Variants in DNM1 observed in about 807,000 individuals in gnomAD.
The protein encoded by DNM1 is dynamin-1.
DNM1 carries 29 observed loss-of-function variants against 104.6 expected under a neutral mutation model. That is an observed-to-expected ratio of 0.28 (90% CI 0.21 to 0.38). DNM1 has a LOEUF of 0.38. Among genes scored for constraint, DNM1 ranks in the 10% least tolerant of loss-of-function variants. The probability of loss-of-function intolerance (pLI) is 1.00; values close to 1 mark genes in which losing one functional copy is unlikely to be tolerated. For missense variants in DNM1, 640 were observed against 1,189.4 expected (o/e 0.54, Z 6.79); for synonymous variants, 445 against 475.8 (o/e 0.94, Z 0.84).
Position 128,214,259 on chromosome 9 carries a change from G to A in DNM1, c.162-3972G>A, listed in dbSNP as rs145833318. Among the ~76,000 whole-genome samples the A allele has an allele frequency of 1.5e-3, 223 of 152,302 alleles. 2 individuals carry two copies. Among genetic ancestry groups the A allele is most frequent in the African/African-American group, 5.0e-3 (209 of 41,554 alleles). ...CGTTATTTATAATCATAGTAGCCAC[G>A]ATTGGTTCAGCCATCAGTCTGTATA... On this transcript the variant is annotated intron_variant, in intron 1 of 21. Coordinates refer to ENST00000372923, the MANE Select transcript of DNM1 (RefSeq NM_004408.4).
At chr9:128,231,125 GA>G (rs1327834764) in intron 10 of DNM1, among the ~76,000 whole-genome samples, 1 of 140,806 alleles carries the variant, frequency 7.1e-6, no homozygotes, top group African/African-American at 2.6e-5. Context: ...TTTATGAGCA[GA>G]AAAAACTGAT....
At chr9:128,234,176 T>C in intron 11 of DNM1, 69 bp downstream of exon 11, 1 of 1,318,316 alleles carries the variant, frequency 7.6e-7, no homozygotes, top group Admixed American at 2.5e-5. Context: ...CTTCCACTCC[T>C]GGCCCTGGGG....
chr9:128,246,903 G>C (rs987978648), intron 16 of DNM1: 2 of 263,476 alleles, frequency 7.6e-6, no homozygotes, highest in African/African-American at 4.3e-5. Context: ...CCCTAGTCAG[G>C]CCTGGTCCTC....
At position 128,254,379 on chromosome 9, in the gene DNM1, GC is replaced by G; in HGVS notation, c.2535-273del. On this transcript the variant is annotated intron_variant, in intron 21 of 21. Transcript: ENST00000372923. The surrounding 1 kb of genome is among the most constrained non-coding windows in gnomAD (Gnocchi z 6.1). ...TGAATTGCGGGTGCCCTGCCTGGGT[GC>G]CGTGTGAGAGGCCAGCGTGTGTGGG... 1 of 1,409,458 alleles carries G rather than the reference GC, an allele frequency of 7.1e-7. No individual in the cohort carries two copies. Among genetic ancestry groups the G allele is most frequent in the Non-Finnish European group, 9.2e-7 (1 of 1,090,208 alleles). 87.3% of individuals were successfully genotyped at this position (1,409,458 alleles called of 1,614,324 possible).
intron 21 of DNM1, chr9:128,251,194 C>G (rs1829496389): frequency 1.5e-6 from 1 of 667,140 alleles, no homozygotes; most frequent in South Asian, 1.5e-5. Context: ...CTGCCCCCTT[C>G]TTTCCAGCAC....
intron 10 of DNM1, among the ~76,000 whole-genome samples, chr9:128,231,276 T>C (rs7035411): frequency 0.29 from 40,993 of 140,602 alleles, 6,721 homozygotes; most frequent in African/African-American, 0.46. Context: ...GATCTCAGCT[T>C]ACTGCAACCT....
At chr9:128,252,642 C>T (rs1267945303) in intron 21 of DNM1, 1 of 423,100 alleles carries the variant, frequency 2.4e-6, no homozygotes. Flanking sequence ...TGTTGGGGCT[C>T]AATGCTGTGG....
Position 128,250,298 on chromosome 9 carries a change from A to G in DNM1, c.2260A>G (p.Met754Val). The change falls in exon 20 of 22, where the codon ATG becomes GTG. Residue 754 changes from methionine to valine, a missense_variant. Physicochemically the swap from Met to Val is conservative, Grantham distance 21 (BLOSUM62 1). This residue lies in a region of DNM1 where 129 missense variants were observed against 224.6 expected (regional missense o/e 0.57). Coordinates refer to ENST00000372923, the MANE Select transcript of DNM1 (RefSeq NM_004408.4). ...DINTTTVSTP[M>V]PPPVDDSWLQ... ...CAACACGACCACCGTCAGCACGCCC[A>G]TGCCCCCGCCCGTGGACGACTCCTG... 1.2e-6 allele frequency: 2 copies of G among 1,610,958 alleles called. No individual in the cohort carries two copies. The highest frequency in any genetic ancestry group is 1.7e-6 in the Non-Finnish European group (2 of 1,178,678).
At chr9:128,235,951 A>G (rs1442947830) in intron 11 of DNM1, among the ~76,000 whole-genome samples, 1 of 152,010 alleles carries the variant, frequency 6.6e-6, no homozygotes, top group Non-Finnish European at 1.5e-5. Flanking sequence ...TTCTGGGCTC[A>G]AGCGATCTGC....
chr9:128,244,142 A>AGG (rs33959475), intron 15 of DNM1, among the ~76,000 whole-genome samples: 34,171 of 146,638 alleles, frequency 0.23, 6,133 homozygotes, highest in African/African-American at 0.51. Flanking sequence ...GTGTGTGGGG[A>AGG]GGGGGCTCTA....
Position 128,234,043 on chromosome 9 carries a change from G to C in DNM1, c.1358G>C (p.Arg453Pro). The change falls in exon 11 of 22, where the codon CGG (arginine) becomes CCG (proline). Residue 453 changes from arginine (R) to proline (P), a missense_variant. By Grantham distance (103) the Arg-to-Pro change is moderately radical. Coordinates refer to ENST00000372923, the MANE Select transcript of DNM1 (RefSeq NM_004408.4). Reference sequence around the variant, plus strand: ...CAGCTCCAGCAGTACCCGCGGCTACGGGAGGAGATGGAGCGCATCGTGACC... The same window carrying C: ...CAGCTCCAGCAGTACCCGCGGCTACCGGAGGAGATGGAGCGCATCGTGACC... ...TKKLQQYPRL[R>P]EEMERIVTTH... The C allele has an allele frequency of 6.3e-7, 1 of 1,575,702 alleles. No individual in the cohort carries two copies. Among genetic ancestry groups the C allele is most frequent in the Non-Finnish European group, 8.6e-7 (1 of 1,161,412 alleles).
chr9:128,252,520 G>A (rs1190664748), intron 21 of DNM1: 5 of 392,716 alleles, frequency 1.3e-5, no homozygotes, highest in East Asian at 7.1e-5. Flanking sequence ...AGTGTGGGCT[G>A]CAACGAGGAC....
Position 128,253,396 on chromosome 9 carries a change from A to C in DNM1, c.2535-1258A>C. 1 of 541,654 alleles carries C rather than the reference A, an allele frequency of 1.8e-6. No homozygotes were observed. The allele number at this position is 541,654 out of a possible 1,614,324, so 33.6% of individuals were successfully genotyped here. ...GGCTCTTGGAACAGGCTCCGCGCCC[A>C]AGCTGGCAGACATGGGTGCTCTCTG... is the stretch of plus-strand genomic sequence containing the variant. On this transcript the variant is annotated intron_variant, in intron 21 of 21. Transcript: ENST00000372923. This position sits in a 1 kb window ranked among gnomAD's most constrained non-coding sequence, Gnocchi z 5.9.
chr9:128,229,266 G>A (rs1835524670), intron 10 of DNM1, among the ~76,000 whole-genome samples: 1 of 150,934 alleles, frequency 6.6e-6, no homozygotes, highest in Non-Finnish European at 1.5e-5. Flanking sequence ...GTGGCAGTAT[G>A]CACCTGCAGT....
intron 21 of DNM1, chr9:128,252,361 T>C (rs1489457983): frequency 2.6e-6 from 1 of 377,654 alleles, no homozygotes; most frequent in Admixed American, 3.6e-5. Flanking sequence ...TGGCAAATCA[T>C]GACCCTACCT....
At chr9:128,232,916 C>T in intron 10 of DNM1, among the ~76,000 whole-genome samples, 1 of 152,358 alleles carries the variant, frequency 6.6e-6, no homozygotes, top group African/African-American at 2.4e-5. Flanking sequence ...GGCCATGGGC[C>T]TGGCCCTGCC....
intron 1 of DNM1, chr9:128,204,262 G>C (rs935840097): frequency 6.6e-6 from 1 of 152,458 alleles, no homozygotes; most frequent in East Asian, 1.9e-4. Context: ...GAAGGGAAGA[G>C]GGGAGGAGAA....
chr9:128,233,293 A>G (rs1056799825), intron 10 of DNM1, among the ~76,000 whole-genome samples: 3 of 152,154 alleles, frequency 2.0e-5, no homozygotes, highest in Non-Finnish European at 2.9e-5. Context: ...GGGCAGGGGC[A>G]TGCAAGGGAG....
chr9:128,233,181 C>G (rs1229642042), intron 10 of DNM1, among the ~76,000 whole-genome samples: 3 of 152,196 alleles, frequency 2.0e-5, no homozygotes, highest in Non-Finnish European at 4.4e-5. Context: ...TTCATAAGAA[C>G]TGGGGGGAAA....
Sources: gnomAD v4.1 joint callset for allele counts (sites outside exome capture counted in the v4.1 genomes callset) on GRCh38, gnomAD v4.1.1 for gene constraint, gnomAD v4.1.1 regional missense constraint, Gnocchi (gnomAD v3.1) non-coding constraint, MANE v1.5 for transcripts, NCBI Gene and HGNC (gene_info 2026-07-23, HGNC 2026-07-21) for gene names.